Variants in DST observed in about 807,000 individuals in gnomAD.
DST encodes dystonin, also known as bullous pemphigoid antigen.
In DST, 253 loss-of-function variants were observed where a neutral mutation model predicts 875.2. The observed-to-expected ratio is 0.29, with a 90% CI of 0.26 to 0.32. The LOEUF (loss-of-function observed/expected upper bound fraction) is 0.32, where lower values mean the gene tolerates loss of function less well. Ranked by LOEUF, DST falls within the 10% of genes least tolerant of loss-of-function variation. The probability of loss-of-function intolerance (pLI) is 1.00; values close to 1 mark genes in which losing one functional copy is unlikely to be tolerated. For missense variants in DST, 8,287 were observed against 9,111.6 expected (o/e 0.91, Z 3.68); for synonymous variants, 3,124 against 3,197.1 (o/e 0.98, Z 0.77).
At chr6:56,661,019 T>G (rs1262941013) in intron 10 of DST, among the ~76,000 whole-genome samples, 1 of 136,698 alleles carries the variant, frequency 7.3e-6, no homozygotes. Flanking sequence ...ACAGCCTAAA[T>G]TTTAATGAAT....
rs769217153 is a variant in DST, at chr6:56,616,986, T to C, written c.4930-2502A>G. The C allele has an allele frequency of 4.0e-5, 65 of 1,609,596 alleles. No individual in the cohort carries two copies. Among genetic ancestry groups the C allele is most frequent in the Non-Finnish European group, 5.3e-5 (62 of 1,177,514 alleles). On this transcript the variant is annotated intron_variant, in intron 36 of 103. Transcript: ENST00000680361. ...GCCAAAGCCACCATTTTGTCTATTATGATTCTCTCGGCCGCTGAGGCAAAT... is the reference window on the plus strand; with the variant it reads ...GCCAAAGCCACCATTTTGTCTATTACGATTCTCTCGGCCGCTGAGGCAAAT...
At chr6:56,849,785 A>G (rs377652434) in intron 4 of DST, among the ~76,000 whole-genome samples, 10 of 152,194 alleles carry the variant, frequency 6.6e-5, no homozygotes, top group Admixed American at 3.3e-4. Flanking sequence ...TACTGAAAGC[A>G]AAATATCCAT....
rs571622028 is a variant in DST at position 56,527,785 on chromosome 6, A to G, written c.17681-51T>C. ...CTTATGAAGGAAAAAAAAGGCAGGGAGAGGGTTTCTTCAGATATTATGGAA... is the reference window on the plus strand; with the variant it reads ...CTTATGAAGGAAAAAAAAGGCAGGGGGAGGGTTTCTTCAGATATTATGGAA... On this transcript the variant is annotated intron_variant, in intron 67 of 103. Coordinates refer to ENST00000680361, the MANE Select transcript of DST (RefSeq NM_001374736.1). The G allele has an allele frequency of 3.9e-6, 6 of 1,542,278 alleles. No homozygotes were observed. The African/African-American group carries it at 6.9e-5, about 18-fold the overall frequency.
At position 56,553,171 on chromosome 6, in the gene DST, C is replaced by T. The variant is rs908127522; in HGVS notation, c.15621G>A (p.Lys5207=). The change falls in exon 61 of 104, where the codon AAG becomes AAA. Residue 5207 remains lysine, a synonymous_variant. Coordinates refer to ENST00000680361, the MANE Select transcript of DST (RefSeq NM_001374736.1). ...DPAEGENSIA[K]LKSLQKEMDQ... ...CCATTTCCTTCTGCAGAGACTTTAA[C>T]TTGGCAATAGAATTCTCTCCTTCAG... The T allele has an allele frequency of 6.2e-7, 1 of 1,613,854 alleles. No individual in the cohort carries two copies. Among genetic ancestry groups the T allele is most frequent in the African/African-American group, 1.3e-5 (1 of 74,930 alleles).
intron 4 of DST, among the ~76,000 whole-genome samples, chr6:56,784,332 T>A (rs1449535345): frequency 6.6e-6 from 1 of 152,254 alleles, no homozygotes; most frequent in African/African-American, 2.4e-5. Flanking sequence ...TCCAACTTGG[T>A]TCCATTCTCC....
chr6:56,516,141 GAGAGAGAAAGAGAA>G (rs1366509640), intron 71 of DST, among the ~76,000 whole-genome samples: 6 of 147,962 alleles, frequency 4.1e-5, no homozygotes, highest in East Asian at 3.9e-4. Flanking sequence ...GGGAGAGAGA[GAGAGAGAAAGAGAA>G]AGAGAGAAAG....
intron 10 of DST, among the ~76,000 whole-genome samples, chr6:56,665,624 G>A (rs535714074): frequency 6.6e-6 from 1 of 152,172 alleles, no homozygotes; most frequent in South Asian, 2.1e-4. Context: ...TACTCTTTGA[G>A]CCTCAGTTTC....
intron 3 of DST, chr6:56,863,292 T>C (rs1320504253): frequency 6.6e-6 from 1 of 152,242 alleles, no homozygotes; most frequent in African/African-American, 2.4e-5. Context: ...AGGAGTTGTT[T>C]TGGGGAACAT....
intron 98 of DST, chr6:56,466,834 C>G (rs1036260152): frequency 6.6e-6 from 1 of 152,152 alleles, no homozygotes; most frequent in African/African-American, 2.4e-5. Context: ...TTTTAGATTA[C>G]TGTAATATTA....
At chr6:56,578,118 C>T (rs968388504) in intron 50 of DST, among the ~76,000 whole-genome samples, 2 of 152,032 alleles carry the variant, frequency 1.3e-5, no homozygotes, top group African/African-American at 4.8e-5. Context: ...AGCTGTAGTG[C>T]TACTTTTGTG....
intron 2 of DST, among the ~76,000 whole-genome samples, chr6:56,914,930 A>G (rs1800237051): frequency 1.3e-5 from 2 of 152,248 alleles, no homozygotes; most frequent in African/African-American, 4.8e-5. Context: ...GCAAATGAGG[A>G]AGGCTGACTG....
chr6:56,666,061 T>C (rs1401194657), intron 10 of DST, among the ~76,000 whole-genome samples: 1 of 152,194 alleles, frequency 6.6e-6, no homozygotes, highest in Non-Finnish European at 1.5e-5. Flanking sequence ...TATAAAAATT[T>C]CTCTTCACTG....
intron 4 of DST, among the ~76,000 whole-genome samples, chr6:56,836,905 T>G (rs1388021957): frequency 6.6e-6 from 1 of 151,376 alleles, no homozygotes; most frequent in Non-Finnish European, 1.5e-5. Context: ...ATTAAGATTT[T>G]TGAAATAAAA....
chr6:56,641,784 C>G (rs911922065), intron 17 of DST, among the ~76,000 whole-genome samples, 163 bp downstream of exon 17: 1 of 152,006 alleles, frequency 6.6e-6, no homozygotes, highest in African/African-American at 2.4e-5. Flanking sequence ...AGACAAGTAC[C>G]TACTTAAACA....
At chr6:56,479,526 A>T (rs199988708) in intron 90 of DST, among the ~76,000 whole-genome samples, 1 of 82,574 alleles carries the variant, frequency 1.2e-5, no homozygotes, top group African/African-American at 4.2e-5. Context: ...AACCAATATA[A>T]GTGTCCATCA....
intron 2 of DST, among the ~76,000 whole-genome samples, chr6:56,913,340 T>C (rs1017147726): frequency 2.6e-5 from 4 of 152,234 alleles, no homozygotes; most frequent in African/African-American, 9.6e-5. Context: ...ACTTAGAAGT[T>C]TGCCTAATAC....
At chr6:56,472,028 A>T (rs747186703) in intron 94 of DST, 31 bp downstream of exon 94, 7 of 1,610,596 alleles carry the variant, frequency 4.3e-6, no homozygotes, top group Non-Finnish European at 5.9e-6. Context: ...GGCAAATGAC[A>T]ATGTGGTGTT....
intron 9 of DST, among the ~76,000 whole-genome samples, chr6:56,688,245 T>C (rs1345989224): frequency 6.6e-6 from 1 of 152,336 alleles, no homozygotes; most frequent in East Asian, 1.9e-4. Flanking sequence ...TAGTCAATTA[T>C]AGAATGAATG....
intron 74 of DST, among the ~76,000 whole-genome samples, 181 bp from the exon 75 acceptor site, chr6:56,508,936 A>G (rs2096404765): frequency 6.6e-6 from 1 of 152,198 alleles, no homozygotes; most frequent in East Asian, 1.9e-4. Context: ...GCCAAATAAC[A>G]TAATATCTCT....
Sources: allele counts gnomAD v4.1 joint callset (sites outside exome capture counted in the v4.1 genomes callset), GRCh38; gene constraint gnomAD v4.1.1; transcripts MANE v1.5; gene names NCBI Gene and HGNC (gene_info 2026-07-23, HGNC 2026-07-21).